PPFIA2: variants seen among roughly 807,000 people sequenced by gnomAD.
PPFIA2 encodes the protein PPFI scaffold protein A2.
A neutral mutation model predicts 175.5 loss-of-function variants in PPFIA2; 46 were observed. The ratio of observed to expected loss-of-function variants is 0.26; its 90% CI spans 0.21 to 0.34. The LOEUF is 0.34. Ranked by LOEUF, PPFIA2 falls within the 10% of genes least tolerant of loss-of-function variation. The probability of loss-of-function intolerance (pLI) is 1.00; values close to 1 mark genes in which losing one functional copy is unlikely to be tolerated. For synonymous variants in PPFIA2, 568 were observed against 511.4 expected (o/e 1.11, Z -1.49); for missense variants, 1,179 against 1,506.1 (o/e 0.78, Z 3.60).
intron 4 of PPFIA2, among the ~76,000 whole-genome samples, chr12:81,618,198 C>T (rs2061604854): frequency 6.6e-6 from 1 of 152,078 alleles, no homozygotes; most frequent in Non-Finnish European, 1.5e-5. Flanking sequence ...CATTACAGCT[C>T]TCTACTTTCT....
At chr12:81,751,458 T>C (rs1220834558) in intron 3 of PPFIA2, among the ~76,000 whole-genome samples, 1 of 151,742 alleles carries the variant, frequency 6.6e-6, no homozygotes, top group African/African-American at 2.4e-5. Context: ...TAGAATTATC[T>C]TCAGAAAAAT....
intron 4 of PPFIA2, among the ~76,000 whole-genome samples, chr12:81,486,997 C>T (rs1055149516): frequency 6.6e-6 from 1 of 151,818 alleles, no homozygotes; most frequent in Non-Finnish European, 1.5e-5. Flanking sequence ...ATACATTAAT[C>T]CCTTTGTTTA....
intron 7 of PPFIA2, chr12:81,430,478 C>G (rs138947212): frequency 1.3e-5 from 2 of 151,984 alleles, no homozygotes; most frequent in African/African-American, 4.8e-5. Context: ...ACATAATCCT[C>G]CATGCCTTCA....
At chr12:81,485,316 T>C (rs781276264) in intron 4 of PPFIA2, among the ~76,000 whole-genome samples, 3 of 151,828 alleles carry the variant, frequency 2.0e-5, no homozygotes, top group Non-Finnish European at 4.4e-5. Context: ...CTTTTCATCA[T>C]CATTTAGTCT....
chr12:81,499,906 C>A (rs1039643601), intron 4 of PPFIA2, among the ~76,000 whole-genome samples: 2 of 152,108 alleles, frequency 1.3e-5, no homozygotes, highest in East Asian at 3.9e-4. Flanking sequence ...GCCTAAGTAT[C>A]TACTTGATAA....
intron 32 of PPFIA2, 58 bp from the exon 33 acceptor site, chr12:81,259,718 A>C: frequency 7.2e-4 from 1,009 of 1,406,732 alleles, no homozygotes; most frequent in Non-Finnish European, 8.9e-4. Flanking sequence ...GGGAAATCTC[A>C]TTCTACTCCT....
chr12:81,370,651 A>ATGTTTG (rs1595713955), intron 11 of PPFIA2, among the ~76,000 whole-genome samples: 1 of 151,856 alleles, frequency 6.6e-6, no homozygotes, highest in East Asian at 1.9e-4. Context: ...TTGTAAGCTC[A>ATGTTTG]TGTTTGCCCA....
intron 4 of PPFIA2, among the ~76,000 whole-genome samples, chr12:81,595,608 T>C (rs2059159226): frequency 6.6e-6 from 1 of 152,148 alleles, no homozygotes; most frequent in Non-Finnish European, 1.5e-5. Flanking sequence ...TTACATATTC[T>C]ATTAAAAAAG....
chr12:81,392,788 A>G (rs1385996076), intron 8 of PPFIA2, among the ~76,000 whole-genome samples: 1 of 151,910 alleles, frequency 6.6e-6, no homozygotes, highest in Admixed American at 6.6e-5. Flanking sequence ...TCCCCCAAAT[A>G]TGTTTTGCTT....
At chr12:81,542,277 G>A (rs1206567947) in intron 4 of PPFIA2, among the ~76,000 whole-genome samples, 6 of 152,052 alleles carry the variant, frequency 3.9e-5, no homozygotes, top group African/African-American at 1.4e-4. Flanking sequence ...AAAGCCACAG[G>A]AGGCTGAAAG....
chr12:81,528,370 T>C (rs1048647479), intron 4 of PPFIA2, among the ~76,000 whole-genome samples: 6 of 152,096 alleles, frequency 3.9e-5, no homozygotes, highest in African/African-American at 1.4e-4. Context: ...TTAGGTAAAG[T>C]GTCAGCTTTC....
Position 81,478,198 on chromosome 12 carries a change from G to C in PPFIA2, c.304-20332C>G, listed in dbSNP as rs150909888. Among the ~76,000 whole-genome samples, 16 of 152,252 alleles carry C rather than the reference G, an allele frequency of 1.1e-4. 1 individual carries two copies. The East Asian group carries it at 3.1e-3, about 29-fold the overall frequency. On this transcript the variant is annotated intron_variant, in intron 4 of 32. Transcript: ENST00000549396. The stretch of plus-strand genomic sequence containing the variant: ...CTAGATTTTCTAGTTTATTTGCATA[G>C]AGATGTTTATAGTATTCTCTGACGG...
At chr12:81,721,452 A>AACACAC (rs140887410) in intron 3 of PPFIA2, among the ~76,000 whole-genome samples, 2 of 149,060 alleles carry the variant, frequency 1.3e-5, no homozygotes, top group South Asian at 2.1e-4. Flanking sequence ...CACACACATA[A>AACACAC]ACACACACAC....
Position 81,339,330 on chromosome 12 carries a change from A to G in PPFIA2, c.2398T>C (p.Leu800=), listed in dbSNP as rs749874259. 6.4e-7 allele frequency: 1 copy of G among 1,573,800 alleles called. No homozygotes were observed. The highest frequency in any genetic ancestry group is 8.6e-7 in the Non-Finnish European group (1 of 1,162,876). Residue 800 remains leucine, a synonymous_variant, in exon 21 of 33, where the codon TTA becomes CTA. Coordinates refer to ENST00000549396, the MANE Select transcript of PPFIA2 (RefSeq NM_003625.5). ...CTTTCTGGCTCAAGAGAGACAGATA[A>G]ACTACTGCAAAACACAAAAGAGGAA... ...SSYHNDARSS[L]SVSLEPESLG...
chr12:81,714,458 T>C (rs2078331975), intron 3 of PPFIA2, among the ~76,000 whole-genome samples: 1 of 151,180 alleles, frequency 6.6e-6, no homozygotes, highest in Non-Finnish European at 1.5e-5. Context: ...TTGATATTCC[T>C]ATTTAATGTC....
intron 25 of PPFIA2, 94 bp downstream of exon 25, chr12:81,284,147 T>A: frequency 1.0e-6 from 1 of 976,448 alleles, no homozygotes; most frequent in Non-Finnish European, 1.6e-6. Flanking sequence ...AAACACACCC[T>A]ATTACTCTGG....
intron 5 of PPFIA2, among the ~76,000 whole-genome samples, chr12:81,446,189 G>T (rs560459336): frequency 1.3e-5 from 2 of 152,194 alleles, no homozygotes; most frequent in Non-Finnish European, 2.9e-5. Flanking sequence ...TTAATCACAT[G>T]GTTTTATTCA....
chr12:81,646,965 C>T (rs1186920664), intron 4 of PPFIA2, among the ~76,000 whole-genome samples: 1 of 151,550 alleles, frequency 6.6e-6, no homozygotes, highest in African/African-American at 2.4e-5. Context: ...ACAAAATAGT[C>T]CATAGAACCA....
chr12:81,389,536 A>G (rs2039705766), intron 8 of PPFIA2, among the ~76,000 whole-genome samples: 1 of 152,056 alleles, frequency 6.6e-6, no homozygotes, highest in African/African-American at 2.4e-5. Context: ...AGTGTTTATG[A>G]AACTTGCATT....
Sources: gnomAD v4.1 joint callset for allele counts (sites outside exome capture counted in the v4.1 genomes callset) on GRCh38, gnomAD v4.1.1 for gene constraint, MANE v1.5 for transcripts, NCBI Gene and HGNC (gene_info 2026-07-23, HGNC 2026-07-21) for gene names.